ELK3: variants seen among roughly 807,000 people sequenced by gnomAD.
The protein encoded by ELK3 is ETS transcription factor ELK3, also known as ETS domain-containing protein Elk-3.
A neutral mutation model predicts 28.9 loss-of-function variants in ELK3; 10 were observed. The ratio of observed to expected loss-of-function variants is 0.35; its 90% CI spans 0.21 to 0.59. The LOEUF is 0.59. ELK3 is among the 20% of genes least tolerant of loss of function. The pLI is 0.82. For synonymous variants in ELK3, 272 were observed against 243.5 expected (o/e 1.12, Z -1.09); for missense variants, 463 against 517.3 (o/e 0.90, Z 1.02).
intron 3 of ELK3, among the ~76,000 whole-genome samples, chr12:96,254,240 G>T (rs766717802): frequency 2.0e-5 from 3 of 152,138 alleles, no homozygotes; most frequent in Non-Finnish European, 4.4e-5. Context: ...CAGGAGAATC[G>T]CTTGAACCCG....
At chr12:96,231,731 G>A (rs777054158) in intron 2 of ELK3, among the ~76,000 whole-genome samples, 2 of 152,172 alleles carry the variant, frequency 1.3e-5, no homozygotes, top group African/African-American at 2.4e-5. Context: ...TGATCTGCTC[G>A]CCTCGGCCTC....
chr12:96,244,426 C>G (rs1310132085), intron 2 of ELK3, among the ~76,000 whole-genome samples: 3 of 150,718 alleles, frequency 2.0e-5, no homozygotes, highest in African/African-American at 7.3e-5. Context: ...CATGATGTTC[C>G]AAACCTATAA....
At chr12:96,219,050 C>A (rs1440348862) in intron 1 of ELK3, among the ~76,000 whole-genome samples, 1 of 152,188 alleles carries the variant, frequency 6.6e-6, no homozygotes, top group East Asian at 1.9e-4. Context: ...GGTGGGAAAT[C>A]AGCTAAGTAA....
chr12:96,206,278 A>G (rs914732316), intron 1 of ELK3, among the ~76,000 whole-genome samples: 5 of 151,850 alleles, frequency 3.3e-5, no homozygotes, highest in Admixed American at 1.3e-4. Context: ...GAAAGGGGCA[A>G]TTTTCTTTTT....
At chr12:96,245,682 T>C (rs1951850330) in intron 2 of ELK3, among the ~76,000 whole-genome samples, 1 of 152,190 alleles carries the variant, frequency 6.6e-6, no homozygotes. Flanking sequence ...TCTTTGTCTC[T>C]CTGAGCCCCT....
intron 1 of ELK3, among the ~76,000 whole-genome samples, chr12:96,204,010 G>A (rs765750592): frequency 1.3e-5 from 2 of 152,142 alleles, no homozygotes; most frequent in Non-Finnish European, 2.9e-5. Flanking sequence ...GTTTAGACTT[G>A]CAAGAAAAGT....
At chr12:96,231,371 G>A (rs1204448867) in intron 2 of ELK3, among the ~76,000 whole-genome samples, 2 of 152,218 alleles carry the variant, frequency 1.3e-5, no homozygotes, top group African/African-American at 4.8e-5. Flanking sequence ...TTAGAGTAGA[G>A]AAGAGCGGGG....
chr12:96,217,314 A>C (rs1951625664), intron 1 of ELK3, among the ~76,000 whole-genome samples: 1 of 152,216 alleles, frequency 6.6e-6, no homozygotes, highest in South Asian at 2.1e-4. Context: ...CTCCCTCCGG[A>C]TGATGTGATT....
At chr12:96,210,392 A>G (rs984432637) in intron 1 of ELK3, among the ~76,000 whole-genome samples, 8 of 152,304 alleles carry the variant, frequency 5.3e-5, no homozygotes, top group South Asian at 4.1e-4. Flanking sequence ...AGATCCTGTC[A>G]TGCACGGTTT....
At chr12:96,220,184 T>A (rs1332465101) in intron 1 of ELK3, among the ~76,000 whole-genome samples, 1 of 152,078 alleles carries the variant, frequency 6.6e-6, no homozygotes, top group African/African-American at 2.4e-5. Flanking sequence ...TAGGTCCCCA[T>A]CCCCACCACT....
intron 3 of ELK3, among the ~76,000 whole-genome samples, chr12:96,256,220 A>G (rs181621584): frequency 2.0e-5 from 3 of 152,242 alleles, no homozygotes; most frequent in Non-Finnish European, 4.4e-5. Flanking sequence ...GATAAACAGG[A>G]GACTGAGTTG....
chr12:96,233,107 T>C (rs542658182), intron 2 of ELK3, among the ~76,000 whole-genome samples: 3 of 152,328 alleles, frequency 2.0e-5, no homozygotes, highest in South Asian at 2.1e-4. Flanking sequence ...CCAGGTACCA[T>C]GAATCTATTT....
In ELK3 at chr12:96,246,863, C is replaced by A. The variant is rs1313866338; in HGVS notation, c.208-77C>A. The A allele has an allele frequency of 2.2e-5, 32 of 1,444,134 alleles. No individual in the cohort carries two copies. In the East Asian group the frequency reaches 6.4e-4, roughly 29 times the overall value. The allele number at this position is 1,444,134 out of a possible 1,614,324, so 89.5% of individuals were successfully genotyped here. A position where few individuals can be genotyped will look rare whatever the true frequency, so the allele number is the denominator to read the frequency against. On this transcript the variant is annotated intron_variant, in intron 2 of 4. Coordinates refer to ENST00000228741, the MANE Select transcript of ELK3 (RefSeq NM_005230.4). The stretch of plus-strand genomic sequence containing the variant: ...AACATTTTGGTGCTTCTGCCAGCGA[C>A]ATTTACCATTATCATGAGCTCTTAC...
At chr12:96,263,077 C>T (rs1385560459) in intron 4 of ELK3, among the ~76,000 whole-genome samples, 3 of 152,126 alleles carry the variant, frequency 2.0e-5, no homozygotes, top group Non-Finnish European at 2.9e-5. Flanking sequence ...ATGATGCTGG[C>T]AAGTTTCCTA....
chr12:96,218,400 T>C (rs1292327735), intron 1 of ELK3, among the ~76,000 whole-genome samples: 5 of 152,078 alleles, frequency 3.3e-5, no homozygotes, highest in Admixed American at 6.6e-5. Flanking sequence ...AAATACCTGA[T>C]AAAATTTTGT....
intron 2 of ELK3, among the ~76,000 whole-genome samples, chr12:96,230,530 C>T (rs913132052): frequency 6.6e-6 from 1 of 152,150 alleles, no homozygotes; most frequent in Non-Finnish European, 1.5e-5. Flanking sequence ...ACACTAGACT[C>T]CGTGACAGGT....
In ELK3 at chr12:96,247,623, G is replaced by A. The variant is rs1321201104; in HGVS notation, c.891G>A (p.Leu297=). The change falls in exon 3 of 5, where the codon TTG becomes TTA. Residue 297 remains leucine, a synonymous_variant. Transcript: ENST00000228741. The surrounding 1 kb of genome is among the most constrained non-coding windows in gnomAD (Gnocchi z 5.5). ...CAAAGGCCAAAAAACCCAAAGGCTT[G>A]GAAATCTCAGCGCCCCCGCTGGTGC... ...LPPKAKKPKG[L]EISAPPLVLS... 3.7e-6 allele frequency: 6 copies of A among 1,613,392 alleles called. No individual in the cohort carries two copies. Among genetic ancestry groups the A allele is most frequent in the Non-Finnish European group, 5.1e-6 (6 of 1,180,030 alleles).
intron 1 of ELK3, among the ~76,000 whole-genome samples, chr12:96,209,621 A>T (rs1951563419): frequency 1.3e-5 from 2 of 152,188 alleles, no homozygotes; most frequent in Non-Finnish European, 1.5e-5. Flanking sequence ...GATTTTTGTA[A>T]CACCATCTTA....
At chr12:96,221,064 G>A (rs902150390) in intron 1 of ELK3, among the ~76,000 whole-genome samples, 4 of 152,126 alleles carry the variant, frequency 2.6e-5, no homozygotes, top group Admixed American at 6.5e-5. Context: ...TCACTTTCCC[G>A]TGTCAGTCTC....
Sources: allele counts gnomAD v4.1 joint callset (sites outside exome capture counted in the v4.1 genomes callset), GRCh38; gene constraint gnomAD v4.1.1; non-coding constraint Gnocchi (gnomAD v3.1); transcripts MANE v1.5; gene names NCBI Gene and HGNC (gene_info 2026-07-23, HGNC 2026-07-21).